CNTNAP5: variants seen among roughly 807,000 people sequenced by gnomAD.
CNTNAP5 encodes contactin-associated protein-like 5.
A neutral mutation model predicts 150.2 loss-of-function variants in CNTNAP5; 72 were observed. That is an observed-to-expected ratio of 0.48 (90% CI 0.40 to 0.58). The LOEUF (loss-of-function observed/expected upper bound fraction) is 0.58. Ranked by LOEUF, CNTNAP5 falls within the 20% of genes least tolerant of loss-of-function variation. CNTNAP5 has a pLI of 0.00. For synonymous variants in CNTNAP5, 672 were observed against 619.8 expected (o/e 1.08, Z -1.25); for missense variants, 1,636 against 1,626.2 (o/e 1.01, Z -0.10).
At chr2:124,361,465 G>C (rs1014777596) in intron 3 of CNTNAP5, among the ~76,000 whole-genome samples, 1 of 144,272 alleles carries the variant, frequency 6.9e-6, no homozygotes, top group Non-Finnish European at 1.5e-5. Flanking sequence ...CTTTGATGAT[G>C]GTGATGTACA....
At chr2:124,367,232 C>G (rs1452110715) in intron 3 of CNTNAP5, among the ~76,000 whole-genome samples, 2 of 152,134 alleles carry the variant, frequency 1.3e-5, no homozygotes, top group African/African-American at 4.8e-5. Flanking sequence ...GGCAGGAGGC[C>G]TATTAGTCCA....
In CNTNAP5 at chr2:124,315,829, A is replaced by G. The variant is rs1688946294; in HGVS notation, c.381+73436A>G. Reference sequence around the variant, plus strand: ...TACCACTTTAGGAATTTAGGTATATAGTCTCTTTTGGGTCTAATGCATATG... The same window carrying G: ...TACCACTTTAGGAATTTAGGTATATGGTCTCTTTTGGGTCTAATGCATATG... On this transcript the variant is annotated intron_variant, in intron 3 of 23. Coordinates refer to ENST00000682447, the MANE Select transcript of CNTNAP5 (RefSeq NM_001367498.1). Among the ~76,000 whole-genome samples the G allele has an allele frequency of 2.0e-5, 3 of 152,180 alleles. No homozygotes were observed. In the South Asian group the frequency reaches 6.2e-4, roughly 31 times the overall value.
chr2:124,666,176 A>G (rs1678696083), intron 13 of CNTNAP5, among the ~76,000 whole-genome samples: 1 of 152,170 alleles, frequency 6.6e-6, no homozygotes, highest in South Asian at 2.1e-4. Flanking sequence ...AGGCAAACAC[A>G]CATATCAATC....
intron 1 of CNTNAP5, among the ~76,000 whole-genome samples, chr2:124,136,462 C>T (rs556243411): frequency 4.6e-5 from 7 of 152,274 alleles, no homozygotes; most frequent in Non-Finnish European, 8.8e-5. Flanking sequence ...ACCTAGTCCA[C>T]CTTAAATGGG....
chr2:124,169,033 G>C (rs1451382044), intron 1 of CNTNAP5, among the ~76,000 whole-genome samples: 2 of 151,920 alleles, frequency 1.3e-5, no homozygotes, highest in Admixed American at 6.6e-5. Context: ...GAATCAGTAG[G>C]CTAGCTATTT....
intron 1 of CNTNAP5, among the ~76,000 whole-genome samples, chr2:124,105,364 G>A (rs1683151318): frequency 6.6e-6 from 1 of 152,156 alleles, no homozygotes; most frequent in Admixed American, 6.5e-5. Flanking sequence ...TTCTAGAAGT[G>A]TTATTGCTGA....
chr2:124,378,543 T>C (rs1690710549), intron 3 of CNTNAP5, among the ~76,000 whole-genome samples: 2 of 152,242 alleles, frequency 1.3e-5, no homozygotes, highest in African/African-American at 4.8e-5. Context: ...TTTCAACAGC[T>C]GCTTAAAATT....
intron 11 of CNTNAP5, among the ~76,000 whole-genome samples, chr2:124,607,152 A>G (rs1677250534): frequency 6.6e-6 from 1 of 152,214 alleles, no homozygotes; most frequent in Non-Finnish European, 1.5e-5. Context: ...ATTCTAAAAC[A>G]ACACCTGGAA....
chr2:124,511,299 C>A (rs1694582941), intron 8 of CNTNAP5, among the ~76,000 whole-genome samples: 1 of 152,212 alleles, frequency 6.6e-6, no homozygotes, highest in Non-Finnish European at 1.5e-5. Flanking sequence ...TGAAAGGGAT[C>A]TGACATTTCA....
At chr2:124,905,130 T>TG (rs1678508460) in intron 22 of CNTNAP5, among the ~76,000 whole-genome samples, 1 of 147,662 alleles carries the variant, frequency 6.8e-6, no homozygotes, top group Middle Eastern at 3.6e-3. Flanking sequence ...TTTTTTGTTT[T>TG]TTTTTTTTTC....
rs1677701354 is a variant in CNTNAP5, at chr2:124,869,563, G to A, written c.3349-112G>A. 2 of 658,944 alleles carry A rather than the reference G, an allele frequency of 3.0e-6. 1 individual carries two copies. Among genetic ancestry groups the A allele is most frequent in the South Asian group, 3.6e-5 (2 of 55,676 alleles). The allele number at this position is 658,944 out of a possible 1,614,324, so 40.8% of individuals were successfully genotyped here. A position where few individuals can be genotyped will look rare whatever the true frequency, so the allele number is the denominator to read the frequency against. On this transcript the variant is annotated intron_variant, in intron 20 of 23. Coordinates refer to ENST00000682447, the MANE Select transcript of CNTNAP5 (RefSeq NM_001367498.1). ...ATCTCTCCTGAGAGAAAATCTCAGAGGGGGGTCTGCTATCTGTATGCATTT... is the reference window on the plus strand; with the variant it reads ...ATCTCTCCTGAGAGAAAATCTCAGAAGGGGGTCTGCTATCTGTATGCATTT...
chr2:124,147,155 G>A (rs1684274150), intron 1 of CNTNAP5, among the ~76,000 whole-genome samples: 1 of 152,154 alleles, frequency 6.6e-6, no homozygotes, highest in African/African-American at 2.4e-5. Flanking sequence ...ATGAAAGTTG[G>A]GCTTTTGAGG....
chr2:124,701,257 A>G (rs1355807472), intron 13 of CNTNAP5, among the ~76,000 whole-genome samples: 1 of 152,132 alleles, frequency 6.6e-6, no homozygotes, highest in Admixed American at 6.6e-5. Context: ...GGATCTACCT[A>G]TAAGTGAGAT....
chr2:124,412,197 G>C (rs1691787448), intron 3 of CNTNAP5, among the ~76,000 whole-genome samples: 1 of 140,182 alleles, frequency 7.1e-6, no homozygotes, highest in Non-Finnish European at 1.6e-5. Context: ...TCTTCAAGGA[G>C]AACTACAAAC....
rs1191914764 is a variant in CNTNAP5, at chr2:124,763,735, T to C, written c.2298T>C (p.Thr766=). ...TGCCTGTCACTCAGATAGTTATCACTGATACCGACAGATCAAACTCAGAAG... is the reference window on the plus strand; with the variant it reads ...TGCCTGTCACTCAGATAGTTATCACCGATACCGACAGATCAAACTCAGAAG... The part of the protein sequence containing the change: ...DHLPVTQIVI[T]DTDRSNSEAA... The change falls in exon 15 of 24, where the codon ACT becomes ACC. Residue 766 remains threonine, a synonymous_variant. Transcript: ENST00000682447. The C allele has an allele frequency of 1.2e-6, 2 of 1,613,012 alleles. No individual in the cohort carries two copies. Among genetic ancestry groups the C allele is most frequent in the Non-Finnish European group, 1.7e-6 (2 of 1,179,468 alleles).
chr2:124,313,098 T>C (rs1688876293), intron 3 of CNTNAP5, among the ~76,000 whole-genome samples: 2 of 152,234 alleles, frequency 1.3e-5, no homozygotes, highest in Admixed American at 1.3e-4. Flanking sequence ...ATTTTAACAA[T>C]GTATCGAGAA....
intron 1 of CNTNAP5, among the ~76,000 whole-genome samples, chr2:124,165,528 T>C (rs1684792669): frequency 6.6e-6 from 1 of 152,178 alleles, no homozygotes; most frequent in Non-Finnish European, 1.5e-5. Context: ...CCAGAATGCC[T>C]GGCACGCACT....
At chr2:124,739,899 T>C (rs1030951279) in intron 13 of CNTNAP5, among the ~76,000 whole-genome samples, 4 of 149,094 alleles carry the variant, frequency 2.7e-5, no homozygotes, top group Non-Finnish European at 6.0e-5. Context: ...CTGACTTCCA[T>C]TACTCTTAGC....
chr2:124,221,634 C>T (rs1286476727), intron 1 of CNTNAP5, 71 bp from the exon 2 acceptor site: 4 of 1,015,898 alleles, frequency 3.9e-6, no homozygotes, highest in Non-Finnish European at 6.0e-6. Context: ...AATTTCTCAA[C>T]TTCTCTTCTT....
Sources: allele counts gnomAD v4.1 joint callset (sites outside exome capture counted in the v4.1 genomes callset), GRCh38; gene constraint gnomAD v4.1.1; transcripts MANE v1.5; gene names NCBI Gene and HGNC (gene_info 2026-07-23, HGNC 2026-07-21).